The following RAB18 variants were observed in gnomAD, a reference collection of about 807,000 sequenced individuals.
RAB18 encodes RAB18, member RAS oncogene family.
RAB18 carries 10 observed loss-of-function variants against 28.5 expected under a neutral mutation model. The observed-to-expected ratio is 0.35, with a 90% CI of 0.22 to 0.60. The LOEUF (loss-of-function observed/expected upper bound fraction) is 0.60, where lower values mean the gene tolerates loss of function less well. Ranked by LOEUF, RAB18 falls within the 20% of genes least tolerant of loss-of-function variation. The pLI is 0.78. For synonymous variants in RAB18, 93 were observed against 86.9 expected, an observed-to-expected ratio of 1.07 and a Z score of -0.39; for missense variants, 188 against 244.2, an observed-to-expected ratio of 0.77 and a Z score of 1.53.
chr10:27,527,546 C>CT (rs1834701448), intron 3 of RAB18, among the ~76,000 whole-genome samples: 1 of 150,410 alleles, frequency 6.6e-6, no homozygotes, highest in Non-Finnish European at 1.5e-5. Flanking sequence ...ACATACCGAT[C>CT]TATCTATATC....
At chr10:27,510,355 C>G in intron 2 of RAB18, 1 of 228,852 alleles carries the variant, frequency 4.4e-6, no homozygotes, top group Non-Finnish European at 8.7e-6. Flanking sequence ...TTTGTATGTT[C>G]AGCATTTGCT....
At chr10:27,528,434 A>G in intron 3 of RAB18, 1 of 423,232 alleles carries the variant, frequency 2.4e-6, no homozygotes, top group East Asian at 7.0e-5. Context: ...CATTTTAGTG[A>G]GCATTCTTTA....
In RAB18 at chr10:27,541,945, G is replaced by T. The variant is rs944476117; in HGVS notation, c.*3894G>T. ...GTGCCCCACTTCCCCAGTAGCAATG[G>T]TTCAGGGGTAGGCACCTGACCCAGA... On this transcript the variant is annotated 3_prime_UTR_variant, in exon 7 of 7. Transcript: ENST00000356940. 2.2e-6 allele frequency: 1 copy of T among 453,864 alleles called. No homozygotes were observed. Among genetic ancestry groups the T allele is most frequent in the Non-Finnish European group, 4.4e-6 (1 of 226,762 alleles). The allele number at this position is 453,864 out of a possible 1,614,324, so 28.1% of individuals were successfully genotyped here.
chr10:27,511,992 G>A (rs952810803), intron 2 of RAB18, among the ~76,000 whole-genome samples: 30 of 151,734 alleles, frequency 2.0e-4, no homozygotes, highest in African/African-American at 7.0e-4. Flanking sequence ...GTCTCACTGT[G>A]TTGCCCAGGC....
At chr10:27,535,040 G>C (rs1834864948) in intron 6 of RAB18, among the ~76,000 whole-genome samples, 1 of 152,186 alleles carries the variant, frequency 6.6e-6, no homozygotes, top group Non-Finnish European at 1.5e-5. Flanking sequence ...TAAGTAAGTA[G>C]TGCTATGAAG....
At chr10:27,505,939 T>C (rs558485593) in intron 1 of RAB18, among the ~76,000 whole-genome samples, 2 of 152,308 alleles carry the variant, frequency 1.3e-5, no homozygotes, top group South Asian at 4.1e-4. Flanking sequence ...AATAGAATAA[T>C]GAAATACTAT....
In RAB18 at chr10:27,527,915, A is replaced by G. The variant is rs182113303; in HGVS notation, c.186+1026A>G. On this transcript the variant is annotated intron_variant, in intron 3 of 6. Coordinates refer to ENST00000356940, the MANE Select transcript of RAB18 (RefSeq NM_021252.5). Reference sequence around the variant, plus strand: ...TTATGTCAGTTTTTCCTAACATACAATACTTTAAATTTGTTAACCTGTTTG... The same window carrying G: ...TTATGTCAGTTTTTCCTAACATACAGTACTTTAAATTTGTTAACCTGTTTG... 2.2e-3 allele frequency among the ~76,000 whole-genome samples: 339 copies of G among 152,274 alleles called. 7 individuals are homozygous for G. The highest frequency in any genetic ancestry group is 0.018 in the Admixed American group (270 of 15,292).
intron 3 of RAB18, among the ~76,000 whole-genome samples, chr10:27,529,097 A>T (rs891441308): frequency 2.0e-5 from 3 of 151,814 alleles, no homozygotes; most frequent in African/African-American, 7.2e-5. Context: ...CTAAGCTATC[A>T]TTTGCCTTTA....
chr10:27,517,503 C>T (rs1456312172), intron 2 of RAB18, among the ~76,000 whole-genome samples: 3 of 152,088 alleles, frequency 2.0e-5, no homozygotes, highest in African/African-American at 7.2e-5. Context: ...TGAATAAAGA[C>T]CTCACTACTT....
chr10:27,527,652 A>G (rs1564834601), intron 3 of RAB18, among the ~76,000 whole-genome samples: 1 of 152,006 alleles, frequency 6.6e-6, no homozygotes, highest in African/African-American at 2.4e-5. Flanking sequence ...TGATAATTAT[A>G]CATATATGTT....
At chr10:27,534,688 T>C (rs1834857329) in intron 6 of RAB18, among the ~76,000 whole-genome samples, 1 of 152,206 alleles carries the variant, frequency 6.6e-6, no homozygotes, top group Admixed American at 6.5e-5. Flanking sequence ...CTGTGCCTTA[T>C]TACAGGTTTG....
intron 2 of RAB18, among the ~76,000 whole-genome samples, chr10:27,517,714 T>C (rs1021257320): frequency 1.3e-5 from 2 of 152,264 alleles, no homozygotes; most frequent in African/African-American, 4.8e-5. Context: ...AAAGTTGATT[T>C]TTTTGGTATA....
intron 6 of RAB18, among the ~76,000 whole-genome samples, chr10:27,535,824 C>T (rs1212353312): frequency 6.6e-6 from 1 of 152,102 alleles, no homozygotes; most frequent in East Asian, 1.9e-4. Context: ...CAGTGGCTCA[C>T]GCCTGTAATC....
rs1306693051 is a variant in RAB18 at position 27,528,405 on chromosome 10, A to AAT, written c.186+1517_186+1518insTA. On this transcript the variant is annotated intron_variant, in intron 3 of 6. Transcript: ENST00000356940. The stretch of plus-strand genomic sequence containing the variant: ...AAGAAGAGCAGAGAAGAACATCTAT[A>AAT]AAAGTATACCACTGAATACATTTTA... 10 of 448,718 alleles carry AAT rather than the reference A, an allele frequency of 2.2e-5. No individual in the cohort carries two copies. In the Admixed American group the frequency reaches 2.5e-4, roughly 11 times the overall value. 27.8% of individuals were successfully genotyped at this position (448,718 alleles called of 1,614,324 possible). A position where few individuals can be genotyped will look rare whatever the true frequency, so the allele number is the denominator to read the frequency against.
At chr10:27,519,603 C>G (rs1834506525) in intron 2 of RAB18, among the ~76,000 whole-genome samples, 1 of 152,030 alleles carries the variant, frequency 6.6e-6, no homozygotes, top group African/African-American at 2.4e-5. Context: ...ATACCCAGGG[C>G]TAAATTTACC....
At chr10:27,516,696 A>G (rs1168447889) in intron 2 of RAB18, among the ~76,000 whole-genome samples, 1 of 152,236 alleles carries the variant, frequency 6.6e-6, no homozygotes, top group African/African-American at 2.4e-5. Flanking sequence ...ATTATTTCAC[A>G]GTATATCAAC....
intron 1 of RAB18, among the ~76,000 whole-genome samples, chr10:27,506,221 T>G (rs1320601578): frequency 6.6e-6 from 1 of 152,154 alleles, no homozygotes; most frequent in African/African-American, 2.4e-5. Flanking sequence ...CAATACATGG[T>G]TGGTTAGCAC....
intron 4 of RAB18, 31 bp downstream of exon 4, chr10:27,532,610 A>G (rs1229452720): frequency 4.0e-6 from 6 of 1,494,106 alleles, no homozygotes; most frequent in Non-Finnish European, 5.6e-6. Flanking sequence ...ACTATTTAAA[A>G]ATATTTATTG....
intron 2 of RAB18, among the ~76,000 whole-genome samples, chr10:27,518,165 T>G (rs1185440555): frequency 6.6e-6 from 1 of 152,180 alleles, no homozygotes; most frequent in East Asian, 1.9e-4. Flanking sequence ...TGTTTCCAGT[T>G]TTTAGTGATT....
Sources: allele counts gnomAD v4.1 joint callset (sites outside exome capture counted in the v4.1 genomes callset), GRCh38; gene constraint gnomAD v4.1.1; transcripts MANE v1.5; gene names NCBI Gene and HGNC (gene_info 2026-07-23, HGNC 2026-07-21).